Variants in AKT3 observed in about 807,000 individuals in gnomAD.
AKT3 encodes the protein RAC-gamma serine/threonine-protein kinase.
In AKT3, 15 loss-of-function variants were observed where a neutral mutation model predicts 65.3. That is an observed-to-expected ratio of 0.23 (90% CI 0.15 to 0.35). The LOEUF is 0.35. AKT3 is among the 10% of genes least tolerant of loss of function. AKT3 has a pLI of 1.00. For missense variants in AKT3, 243 were observed against 576.5 expected, an observed-to-expected ratio of 0.42 and a Z score of 5.92; for synonymous variants, 206 against 183.8, an observed-to-expected ratio of 1.12 and a Z score of -0.98.
chr1:243,610,435 T>C (rs1677786802), intron 8 of AKT3, among the ~76,000 whole-genome samples: 1 of 152,232 alleles, frequency 6.6e-6, no homozygotes, highest in Admixed American at 6.5e-5. Context: ...TAGGTAATTG[T>C]AAAACAATGT....
chr1:243,843,054 C>A, intron 2 of AKT3, 71 bp downstream of exon 2: 1 of 1,494,850 alleles, frequency 6.7e-7, no homozygotes, highest in Non-Finnish European at 9.2e-7. Context: ...GAAAAAAGAT[C>A]AACTTCTAAG....
intron 2 of AKT3, among the ~76,000 whole-genome samples, chr1:243,782,662 T>C (rs981546580): frequency 1.3e-5 from 2 of 152,192 alleles, no homozygotes; most frequent in African/African-American, 4.8e-5. Flanking sequence ...CAAACCCATA[T>C]ATAAATGGAA....
chr1:243,758,953 A>C (rs1689319288), intron 2 of AKT3, among the ~76,000 whole-genome samples: 1 of 152,206 alleles, frequency 6.6e-6, no homozygotes, highest in African/African-American at 2.4e-5. Context: ...GGGACGCTAC[A>C]GGAGGTTTCT....
At chr1:243,525,295 A>C (rs1670971149) in intron 12 of AKT3, among the ~76,000 whole-genome samples, 1 of 152,136 alleles carries the variant, frequency 6.6e-6, no homozygotes, top group African/African-American at 2.4e-5. Context: ...TCTTTGCTGC[A>C]ACCTAACCGA....
chr1:243,496,092 A>G (rs1667784338), downstream of AKT3, among the ~76,000 whole-genome samples: 1 of 152,270 alleles, frequency 6.6e-6, no homozygotes, highest in Non-Finnish European at 1.5e-5. Flanking sequence ...CAACAGGATT[A>G]GTGCTGAGAT....
intron 2 of AKT3, among the ~76,000 whole-genome samples, chr1:243,791,970 A>T (rs1691657648): frequency 6.6e-6 from 1 of 152,214 alleles, no homozygotes; most frequent in Admixed American, 6.5e-5. Flanking sequence ...GAAGACCAAA[A>T]ATTAACAGAA....
chr1:243,760,282 CTTT>C lies in AKT3; in HGVS notation c.47-64569_47-64567del, dbSNP rs58733457. Among the ~76,000 whole-genome samples the C allele has an allele frequency of 1.5e-3, 119 of 80,892 alleles. 1 individual carries two copies. Among genetic ancestry groups the C allele is most frequent in the Non-Finnish European group, 2.0e-3 (95 of 48,218 alleles). The allele number at this position is 80,892 out of a possible 152,430, so 53.1% of individuals were successfully genotyped here. On this transcript the variant is annotated intron_variant, in intron 2 of 13. Transcript: ENST00000673466. ...TACAGGCATGTACCTCTATATCTGG[CTTT>C]TTTTTTTTTTTTTTTTTTTGTCATG... is the stretch of plus-strand genomic sequence containing the variant.
At chr1:243,524,942 G>T (rs1415934291) in intron 12 of AKT3, among the ~76,000 whole-genome samples, 4 of 152,050 alleles carry the variant, frequency 2.6e-5, no homozygotes, top group African/African-American at 9.7e-5. Context: ...CCTGAAGGTG[G>T]GCCCCAGCTT....
downstream of AKT3, chr1:243,499,694 A>C (rs1004137100): frequency 1.5e-6 from 2 of 1,318,530 alleles, no homozygotes; most frequent in African/African-American, 2.9e-5. Context: ...CCAGCAAATG[A>C]GAAGACAAAT....
chr1:243,601,366 G>T (rs1676989621), intron 8 of AKT3, among the ~76,000 whole-genome samples: 2 of 152,034 alleles, frequency 1.3e-5, no homozygotes, highest in South Asian at 4.1e-4. Context: ...AGTTATTTGA[G>T]AAATTCAAAT....
intron 6 of AKT3, among the ~76,000 whole-genome samples, chr1:243,628,381 C>T (rs771804440): frequency 2.0e-5 from 3 of 152,030 alleles, no homozygotes; most frequent in African/African-American, 7.3e-5. Flanking sequence ...CTCACTGCAG[C>T]CTTGACCTCC....
intron 2 of AKT3, among the ~76,000 whole-genome samples, chr1:243,726,273 G>T (rs1156304085): frequency 6.6e-6 from 1 of 151,642 alleles, no homozygotes; most frequent in Admixed American, 6.5e-5. Flanking sequence ...GATTATTTAG[G>T]TATTAAAGGA....
intron 6 of AKT3, among the ~76,000 whole-genome samples, chr1:243,635,964 A>G (rs1362071406): frequency 6.6e-6 from 1 of 152,192 alleles, no homozygotes; most frequent in East Asian, 1.9e-4. Context: ...GCACTACTTC[A>G]ATCAGAATAG....
rs573605310 is a variant in AKT3 at position 243,606,315 on chromosome 1, C to T, written c.696+7356G>A. Among the ~76,000 whole-genome samples the T allele has an allele frequency of 2.0e-5, 3 of 152,296 alleles. No homozygotes were observed. In the South Asian group the frequency reaches 6.2e-4, roughly 32 times the overall value. ...AAAAACGTGAGAAAGTTTGGAACTT[C>T]CTAGAGACTTGTTGAATAGCTTTGA... On this transcript the variant is annotated intron_variant, in intron 8 of 13. Coordinates refer to ENST00000673466, the MANE Select transcript of AKT3 (RefSeq NM_005465.7).
Position 243,537,730 on chromosome 1 carries a change from C to T in AKT3, c.1251+7780G>A, listed in dbSNP as rs546390974. Among the ~76,000 whole-genome samples, 34 of 152,276 alleles carry T rather than the reference C, an allele frequency of 2.2e-4. No homozygotes were observed. The South Asian group carries it at 3.3e-3, about 15-fold the overall frequency. ...AGTGGATCAAGCAAACATACGAGGT[C>T]GACTTTCAAGAAGCCGCAGTGTATT... On this transcript the variant is annotated intron_variant, in intron 12 of 13. Coordinates refer to ENST00000673466, the MANE Select transcript of AKT3 (RefSeq NM_005465.7).
chr1:243,843,439 T>C lies in AKT3; in HGVS notation c.-112-157A>G, dbSNP rs1695369720. The C allele has an allele frequency of 7.4e-6, 8 of 1,086,696 alleles. No individual in the cohort carries two copies. In the South Asian group the frequency reaches 3.5e-4, roughly 48 times the overall value. 67.3% of individuals were successfully genotyped at this position (1,086,696 alleles called of 1,614,324 possible). On this transcript the variant is annotated intron_variant, in intron 1 of 13. Coordinates refer to ENST00000673466, the MANE Select transcript of AKT3 (RefSeq NM_005465.7). ...GGAACTTATTTATTAAATAGTTCTATAATGAAAGCACTTCCCTAGTCTTGT... is the reference window on the plus strand; with the variant it reads ...GGAACTTATTTATTAAATAGTTCTACAATGAAAGCACTTCCCTAGTCTTGT...
Position 243,504,633 on chromosome 1 carries a change from A to T in AKT3, c.*616T>A, listed in dbSNP as rs1669543173. On this transcript the variant is annotated 3_prime_UTR_variant, in exon 14 of 14. Coordinates refer to ENST00000673466, the MANE Select transcript of AKT3 (RefSeq NM_005465.7). ...TATCCACCAGGAATTTAAAAAAAAAAAATTATATATATATATATATATCCC... is the reference window on the plus strand; with the variant it reads ...TATCCACCAGGAATTTAAAAAAAAATAATTATATATATATATATATATCCC... The T allele has an allele frequency of 5.7e-6, 1 of 174,294 alleles. No homozygotes were observed. Among genetic ancestry groups the T allele is most frequent in the Non-Finnish European group, 1.2e-5 (1 of 81,894 alleles). The allele number at this position is 174,294 out of a possible 1,614,324, so 10.8% of individuals were successfully genotyped here. A position where few individuals can be genotyped will look rare whatever the true frequency, so the allele number is the denominator to read the frequency against.
chr1:243,668,809 T>A (rs187743352), intron 3 of AKT3, among the ~76,000 whole-genome samples: 1 of 152,182 alleles, frequency 6.6e-6, no homozygotes, highest in Non-Finnish European at 1.5e-5. Flanking sequence ...GGAGTGATTA[T>A]GATACTCAAC....
chr1:243,773,915 T>C (rs1403200806), intron 2 of AKT3, among the ~76,000 whole-genome samples: 2 of 152,300 alleles, frequency 1.3e-5, no homozygotes, highest in East Asian at 3.9e-4. Context: ...TGTGAAACAA[T>C]CCATCAATAC....
Sources: allele counts gnomAD v4.1 joint callset (sites outside exome capture counted in the v4.1 genomes callset), GRCh38; gene constraint gnomAD v4.1.1; transcripts MANE v1.5; gene names NCBI Gene and HGNC (gene_info 2026-07-23, HGNC 2026-07-21).